Variants in NOL10 observed in about 807,000 individuals in gnomAD.
NOL10 encodes the protein nucleolar protein 10.
In NOL10, 58 loss-of-function variants were observed where a neutral mutation model predicts 103.5. The ratio of observed to expected loss-of-function variants is 0.56; its 90% CI spans 0.45 to 0.70. The LOEUF (loss-of-function observed/expected upper bound fraction) is 0.70. NOL10 is among the 30% of genes least tolerant of loss of function. The pLI is 0.00. For synonymous variants in NOL10, 287 were observed against 282.5 expected, an observed-to-expected ratio of 1.02 and a Z score of -0.16; for missense variants, 763 against 807.3, an observed-to-expected ratio of 0.95 and a Z score of 0.67.
intron 1 of NOL10, 82 bp downstream of exon 1, chr2:10,689,714 A>G (rs1572463914): frequency 7.5e-7 from 1 of 1,333,622 alleles, no homozygotes; most frequent in Non-Finnish European, 1.1e-6. Context: ...AACAGAGGCT[A>G]GGGCCGAGGA....
At chr2:10,579,724 G>C (rs1404567776) in intron 19 of NOL10, among the ~76,000 whole-genome samples, 1 of 151,884 alleles carries the variant, frequency 6.6e-6, no homozygotes, top group Non-Finnish European at 1.5e-5. Flanking sequence ...CAGGGCTGCT[G>C]TGCCTATGGA....
At chr2:10,668,537 TTAAC>T (rs1188578624) in intron 7 of NOL10, 117 bp downstream of exon 7, 5 of 429,258 alleles carry the variant, frequency 1.2e-5, no homozygotes, top group Non-Finnish European at 2.2e-5. Context: ...ACAGTACTTT[TTAAC>T]TAAGTTGCTG....
intron 17 of NOL10, among the ~76,000 whole-genome samples, chr2:10,594,717 A>G (rs1675573742): frequency 6.6e-6 from 1 of 152,140 alleles, no homozygotes; most frequent in South Asian, 2.1e-4. Context: ...TAGGCCAGGC[A>G]TGGTGGCTCG....
At chr2:10,620,592 A>T (rs1469766245) in intron 13 of NOL10, among the ~76,000 whole-genome samples, 1 of 152,244 alleles carries the variant, frequency 6.6e-6, no homozygotes, top group African/African-American at 2.4e-5. Flanking sequence ...CAAAGGACAT[A>T]AAGGAACTCA....
intron 12 of NOL10, among the ~76,000 whole-genome samples, chr2:10,650,115 C>T (rs1468844681): frequency 2.6e-5 from 4 of 152,124 alleles, no homozygotes; most frequent in African/African-American, 9.7e-5. Flanking sequence ...TAATAAGTAA[C>T]TATTAAAATC....
At chr2:10,634,481 C>T in intron 13 of NOL10, 1 of 456,490 alleles carries the variant, frequency 2.2e-6, no homozygotes, top group East Asian at 6.9e-5. Context: ...ACACATTAAA[C>T]AGGATGTGCT....
At chr2:10,598,075 G>A (rs1299699183) in intron 17 of NOL10, among the ~76,000 whole-genome samples, 1 of 152,222 alleles carries the variant, frequency 6.6e-6, no homozygotes, top group Non-Finnish European at 1.5e-5. Flanking sequence ...AAGGAATGCA[G>A]TTAAAGAATA....
At chr2:10,640,047 GAAC>G (rs1678595994) in intron 13 of NOL10, among the ~76,000 whole-genome samples, 1 of 152,132 alleles carries the variant, frequency 6.6e-6, no homozygotes, top group Non-Finnish European at 1.5e-5. Flanking sequence ...CAAGCTAAAA[GAAC>G]ACTAAGTTGC....
intron 17 of NOL10, among the ~76,000 whole-genome samples, chr2:10,594,739 C>T (rs1406091945): frequency 3.3e-5 from 5 of 152,070 alleles, no homozygotes; most frequent in African/African-American, 1.2e-4. Flanking sequence ...GCCTGTAATC[C>T]CAACACTTTG....
intron 6 of NOL10, among the ~76,000 whole-genome samples, 182 bp downstream of exon 6, chr2:10,671,372 G>A (rs889759064): frequency 9.4e-5 from 14 of 149,470 alleles, no homozygotes; most frequent in South Asian, 4.2e-4. Flanking sequence ...CCAATATGTA[G>A]AAAATAGAAT....
chr2:10,642,667 C>T (rs546145325), intron 13 of NOL10, among the ~76,000 whole-genome samples: 3 of 152,024 alleles, frequency 2.0e-5, no homozygotes, highest in Non-Finnish European at 4.4e-5. Context: ...CTGGGAAAGT[C>T]GACTGAAAAG....
intron 12 of NOL10, among the ~76,000 whole-genome samples, chr2:10,645,781 G>C (rs534482941): frequency 1.8e-3 from 271 of 151,904 alleles, no homozygotes; most frequent in African/African-American, 6.3e-3. Context: ...CGCCCGCCTC[G>C]GCCTCCCAAC....
At chr2:10,613,323 G>A (rs1004181512) in intron 13 of NOL10, among the ~76,000 whole-genome samples, 1 of 152,142 alleles carries the variant, frequency 6.6e-6, no homozygotes, top group Admixed American at 6.6e-5. Context: ...CATTCAAAAA[G>A]TTAACTGAGC....
chr2:10,615,954 C>T (rs946095622), intron 13 of NOL10, among the ~76,000 whole-genome samples: 1 of 152,112 alleles, frequency 6.6e-6, no homozygotes, highest in African/African-American at 2.4e-5. Context: ...GGGCTAAAGT[C>T]AGGACAATTA....
At chr2:10,624,519 A>G (rs1035703728) in intron 13 of NOL10, among the ~76,000 whole-genome samples, 2 of 152,186 alleles carry the variant, frequency 1.3e-5, no homozygotes, top group South Asian at 2.1e-4. Flanking sequence ...TAGATTAAAA[A>G]AAATAATAAC....
rs1468891595 is a variant in NOL10, at chr2:10,644,403, G to T, written c.974-31C>A. On this transcript the variant is annotated intron_variant, in intron 12 of 20. Transcript: ENST00000381685. Reference sequence around the variant, plus strand: ...AATAAATACAATGAAAAAGGTCAATGCATAGGAAAAAGAAAGTACCCTTTT... The same window carrying T: ...AATAAATACAATGAAAAAGGTCAATTCATAGGAAAAAGAAAGTACCCTTTT... 3.4e-6 allele frequency: 5 copies of T among 1,481,846 alleles called. No individual in the cohort carries two copies. The Admixed American group carries it at 7.6e-5, about 23-fold the overall frequency. 91.8% of individuals were successfully genotyped at this position (1,481,846 alleles called of 1,614,324 possible). A position where few individuals can be genotyped will look rare whatever the true frequency, so the allele number is the denominator to read the frequency against.
intron 12 of NOL10, among the ~76,000 whole-genome samples, chr2:10,651,779 A>G (rs1679481619): frequency 6.6e-6 from 1 of 151,994 alleles, no homozygotes; most frequent in African/African-American, 2.4e-5. Flanking sequence ...GGTCATTTCA[A>G]TACCCTAACT....
intron 13 of NOL10, among the ~76,000 whole-genome samples, chr2:10,641,740 C>G (rs1678710363): frequency 6.6e-6 from 1 of 152,176 alleles, no homozygotes; most frequent in African/African-American, 2.4e-5. Flanking sequence ...AAGTCTCTTA[C>G]AACCATAACA....
At chr2:10,593,152 C>G (rs1043485196) in intron 17 of NOL10, among the ~76,000 whole-genome samples, 1 of 134,016 alleles carries the variant, frequency 7.5e-6, no homozygotes, top group Non-Finnish European at 1.6e-5. Flanking sequence ...TCTTTTTTTT[C>G]TTTTGAGATG....
Sources: gnomAD v4.1 joint callset for allele counts (sites outside exome capture counted in the v4.1 genomes callset) on GRCh38, gnomAD v4.1.1 for gene constraint, MANE v1.5 for transcripts, NCBI Gene and HGNC (gene_info 2026-07-23, HGNC 2026-07-21) for gene names.